The following MAPK10 variants were observed in gnomAD, a reference collection of about 807,000 sequenced individuals.
MAPK10 encodes the protein mitogen-activated protein kinase 10.
A neutral mutation model predicts 59.3 loss-of-function variants in MAPK10; 25 were observed. The observed-to-expected ratio is 0.42, with a 90% CI of 0.31 to 0.59. MAPK10 has a LOEUF of 0.59. Ranked by LOEUF, MAPK10 falls within the 20% of genes least tolerant of loss-of-function variation. MAPK10 has a pLI of 0.15. For missense variants in MAPK10, 351 were observed against 568.9 expected, an observed-to-expected ratio of 0.62 and a Z score of 3.90; for synonymous variants, 190 against 200.5, an observed-to-expected ratio of 0.95 and a Z score of 0.44.
chr4:86,060,040 A>C (rs1201143656), intron 11 of MAPK10, among the ~76,000 whole-genome samples: 1 of 152,170 alleles, frequency 6.6e-6, no homozygotes, highest in Non-Finnish European at 1.5e-5. Context: ...GTCTCTGGGC[A>C]TCTCTGAAAC....
intron 9 of MAPK10, among the ~76,000 whole-genome samples, chr4:86,092,125 C>T (rs1054317513): frequency 1.3e-5 from 2 of 152,010 alleles, no homozygotes; most frequent in African/African-American, 4.8e-5. Flanking sequence ...TTTAATAGAT[C>T]ACAAATCTTT....
intron 2 of MAPK10, chr4:86,335,068 G>A (rs988558379): frequency 2.0e-5 from 3 of 152,106 alleles, no homozygotes; most frequent in Non-Finnish European, 4.4e-5. Context: ...TTGCCTATCA[G>A]AACTTACCTG....
intron 1 of MAPK10, among the ~76,000 whole-genome samples, chr4:86,548,983 G>A (rs1759538973): frequency 6.6e-6 from 1 of 152,014 alleles, no homozygotes; most frequent in African/African-American, 2.4e-5. Context: ...CCATTCTAGA[G>A]CAAAATGAAA....
intron 2 of MAPK10, among the ~76,000 whole-genome samples, chr4:86,223,970 C>G (rs533656879): frequency 6.6e-6 from 1 of 152,230 alleles, no homozygotes; most frequent in African/African-American, 2.4e-5. Flanking sequence ...ACACCTGAAC[C>G]AAATTTGTGG....
intron 1 of MAPK10, among the ~76,000 whole-genome samples, chr4:86,393,325 C>A (rs1048208252): frequency 1.4e-4 from 21 of 149,430 alleles, no homozygotes; most frequent in African/African-American, 5.2e-4. Flanking sequence ...TATATCAAAT[C>A]AATGATCTAG....
chr4:86,219,053 G>A (rs188060911), intron 2 of MAPK10, among the ~76,000 whole-genome samples: 19 of 152,220 alleles, frequency 1.2e-4, no homozygotes, highest in Admixed American at 4.6e-4. Context: ...ACATCTCTCC[G>A]ACTTCCCCAC....
Position 86,017,131 on chromosome 4 carries a change from G to C in MAPK10, c.*97C>G, listed in dbSNP as rs1250492504. 3.1e-6 allele frequency: 4 copies of C among 1,299,854 alleles called. No individual in the cohort carries two copies. The highest frequency in any genetic ancestry group is 3.2e-6 in the Non-Finnish European group (3 of 937,054). The allele number at this position is 1,299,854 out of a possible 1,614,324, so 80.5% of individuals were successfully genotyped here. A position where few individuals can be genotyped will look rare whatever the true frequency, so the allele number is the denominator to read the frequency against. ...TCTCCCTTGCTGTTTTCTTGATGTT[G>C]TGTGTCTGCATTTGTGTGTGTGTGT... On this transcript the variant is annotated 3_prime_UTR_variant, in exon 14 of 14. Transcript: ENST00000641462. The surrounding 1 kb of genome is among the most constrained non-coding windows in gnomAD (Gnocchi z 4.4).
At chr4:86,230,582 C>A (rs1402289083) in intron 2 of MAPK10, among the ~76,000 whole-genome samples, 1 of 152,140 alleles carries the variant, frequency 6.6e-6, no homozygotes. Flanking sequence ...CAGCCTAATA[C>A]TTAAGTAAAT....
chr4:86,118,293 G>A (rs2058609018), intron 4 of MAPK10, among the ~76,000 whole-genome samples: 1 of 152,020 alleles, frequency 6.6e-6, no homozygotes. Context: ...CTTGGCCTGT[G>A]GAATCTTACT....
chr4:86,478,024 AT>A (rs1330061275), intron 1 of MAPK10, among the ~76,000 whole-genome samples: 1 of 152,072 alleles, frequency 6.6e-6, no homozygotes, highest in African/African-American at 2.4e-5. Context: ...TCTCGGCATA[AT>A]TATCATAAAA....
At chr4:86,322,035 A>G (rs1003835056) in intron 2 of MAPK10, 2 of 152,056 alleles carry the variant, frequency 1.3e-5, no homozygotes, top group African/African-American at 2.4e-5. Flanking sequence ...GAGTTCTGTA[A>G]AATATAATCA....
rs78927034 is a variant in MAPK10, at chr4:86,450,194, T to A, written c.-122+2836A>T. 7.7e-3 allele frequency among the ~76,000 whole-genome samples: 1,167 copies of A among 152,330 alleles called. 22 individuals are homozygous for A. Among genetic ancestry groups the A allele is most frequent in the African/African-American group, 0.026 (1,076 of 41,572 alleles). ...CTAAGTCAAATACTGTGCCTGCACA[T>A]TACAACTACAAACAGTAAATATCTC... On this transcript the variant is annotated intron_variant, in intron 1 of 13. Coordinates refer to the MAPK10 transcript ENST00000361569.
At chr4:86,550,730 T>TAC (rs963185076) in intron 1 of MAPK10, among the ~76,000 whole-genome samples, 1 of 152,046 alleles carries the variant, frequency 6.6e-6, no homozygotes, top group African/African-American at 2.4e-5. Context: ...AAATACAAAA[T>TAC]ACACACACAC....
chr4:86,338,094 C>T (rs1722629321), intron 2 of MAPK10, among the ~76,000 whole-genome samples: 1 of 152,078 alleles, frequency 6.6e-6, no homozygotes, highest in Non-Finnish European at 1.5e-5. Flanking sequence ...AGTAGTGTCC[C>T]CCCACTTCCC....
intron 1 of MAPK10, among the ~76,000 whole-genome samples, chr4:86,543,136 A>G (rs1275435592): frequency 6.6e-6 from 1 of 152,146 alleles, no homozygotes; most frequent in Non-Finnish European, 1.5e-5. Flanking sequence ...GCAATATTTC[A>G]CACTAGATAC....
chr4:86,294,169 C>G (rs780897129), intron 2 of MAPK10, among the ~76,000 whole-genome samples: 4 of 152,166 alleles, frequency 2.6e-5, no homozygotes, highest in African/African-American at 9.7e-5. Context: ...CAGGACTGGG[C>G]CCTGGGCTAT....
chr4:86,180,191 A>T (rs2076581267), intron 3 of MAPK10, among the ~76,000 whole-genome samples: 1 of 152,118 alleles, frequency 6.6e-6, no homozygotes, highest in Admixed American at 6.6e-5. Context: ...GACATGTCTC[A>T]AAAGAAGACA....
At chr4:86,360,256 C>T (rs1736656998), upstream of MAPK10, 4 of 970,190 alleles carry the variant, frequency 4.1e-6, no homozygotes, top group South Asian at 9.6e-5. Flanking sequence ...GAATAAGGTT[C>T]GTCGGCAGCC....
chr4:86,170,331 A>T (rs1037602243), intron 3 of MAPK10, among the ~76,000 whole-genome samples: 21 of 152,308 alleles, frequency 1.4e-4, no homozygotes, highest in African/African-American at 4.3e-4. Context: ...ACGTGCAGAA[A>T]CACACATAGG....
Sources: gnomAD v4.1 joint callset for allele counts (sites outside exome capture counted in the v4.1 genomes callset) on GRCh38, gnomAD v4.1.1 for gene constraint, Gnocchi (gnomAD v3.1) non-coding constraint, MANE v1.5 for transcripts, NCBI Gene and HGNC (gene_info 2026-07-23, HGNC 2026-07-21) for gene names.